Variants in OR2L13 observed in about 807,000 individuals in gnomAD.
The protein encoded by OR2L13 is olfactory receptor family 2 subfamily L member 13.
Under a neutral mutation model 15.3 loss-of-function variants are expected in OR2L13, and 14 were observed. The ratio of observed to expected loss-of-function variants is 0.91; its 90% confidence interval spans 0.60 to 1.43. OR2L13 has a LOEUF of 1.43. OR2L13 is among the 40% of genes most tolerant of loss of function. The pLI, the probability that OR2L13 is intolerant of heterozygous loss-of-function variation, is 0.00. For synonymous variants in OR2L13, 152 were observed against 142.9 expected (o/e 1.06, Z -0.45); for missense variants, 367 against 387.9 (o/e 0.95, Z 0.45).
chr1:248,095,854 C>T (rs1664726591), upstream of OR2L13, among the ~76,000 whole-genome samples: 1 of 150,940 alleles, frequency 6.6e-6, no homozygotes, highest in Non-Finnish European at 1.5e-5. Flanking sequence ...ATCCGCCCGC[C>T]TTGGCCTCCC....
chr1:248,001,960 G>T, the OR2L13 span, among the ~76,000 whole-genome samples: 1 of 151,994 alleles, frequency 6.6e-6, no homozygotes, highest in Non-Finnish European at 1.5e-5. Context: ...TGTAAATTGT[G>T]TTAACAATTT....
At chr1:248,072,209 G>A in the OR2L13 span, among the ~76,000 whole-genome samples, 93 of 152,154 alleles carry the variant, frequency 6.1e-4, 1 homozygote, top group African/African-American at 1.4e-3. Flanking sequence ...GAGGCATCAC[G>A]CTACCTGACT....
chr1:248,003,767 A>G, the OR2L13 span: 5 of 1,613,766 alleles, frequency 3.1e-6, no homozygotes, highest in Non-Finnish European at 1.7e-6. Context: ...CTTCATTGCT[A>G]TTTCATGTTC....
the OR2L13 span, among the ~76,000 whole-genome samples, chr1:248,034,806 G>A: frequency 6.6e-6 from 1 of 152,104 alleles, no homozygotes; most frequent in Non-Finnish European, 1.5e-5. Flanking sequence ...TGAAGCCTAG[G>A]TTCAGAACAG....
chr1:248,049,723 G>A, the OR2L13 span, among the ~76,000 whole-genome samples: 1 of 152,052 alleles, frequency 6.6e-6, no homozygotes. Context: ...CTTATGTGGA[G>A]TTTTTGTTTT....
chr1:247,971,486 G>GAT, the OR2L13 span, among the ~76,000 whole-genome samples: 1 of 152,170 alleles, frequency 6.6e-6, no homozygotes, highest in Non-Finnish European at 1.5e-5. Context: ...GACATAATTT[G>GAT]ATGATAGGGT....
chr1:248,009,778 G>A, the OR2L13 span, among the ~76,000 whole-genome samples: 4 of 152,200 alleles, frequency 2.6e-5, no homozygotes, highest in Non-Finnish European at 5.9e-5. Context: ...TAAAATACTG[G>A]CAAACCAAAT....
chr1:247,961,536 A>C, the OR2L13 span, among the ~76,000 whole-genome samples: 1 of 152,170 alleles, frequency 6.6e-6, no homozygotes, highest in Non-Finnish European at 1.5e-5. Flanking sequence ...GATTCAAGGA[A>C]GGCAAAGACT....
chr1:248,039,064 C>T, the OR2L13 span: 14 of 1,614,026 alleles, frequency 8.7e-6, no homozygotes, highest in East Asian at 2.9e-4. Context: ...TCCCTGCGAT[C>T]TCCAACAGAG....
the OR2L13 span, among the ~76,000 whole-genome samples, chr1:247,950,988 T>G: frequency 2.0e-5 from 3 of 152,174 alleles, no homozygotes; most frequent in African/African-American, 7.2e-5. Context: ...CCTGATTTGA[T>G]CATTACACAT....
chr1:248,008,510 T>G, the OR2L13 span, among the ~76,000 whole-genome samples: 3 of 152,138 alleles, frequency 2.0e-5, no homozygotes, highest in African/African-American at 7.2e-5. Context: ...GTGAGTGATC[T>G]CTCATGTTTC....
chr1:248,072,458 C>A, the OR2L13 span, among the ~76,000 whole-genome samples: 1 of 152,084 alleles, frequency 6.6e-6, no homozygotes, highest in African/African-American at 2.4e-5. Flanking sequence ...CTTCCTTACA[C>A]CTTATACAAA....
At chr1:247,950,275 A>G in the OR2L13 span, among the ~76,000 whole-genome samples, 1 of 152,128 alleles carries the variant, frequency 6.6e-6, no homozygotes, top group African/African-American at 2.4e-5. Context: ...CTTTCAATTT[A>G]GGGGGACTTA....
chr1:248,034,951 G>A, the OR2L13 span, among the ~76,000 whole-genome samples: 9 of 152,006 alleles, frequency 5.9e-5, no homozygotes, highest in African/African-American at 7.2e-5. Flanking sequence ...TTTTCTTTGC[G>A]TGGAGTCCTA....
At chr1:247,979,651 C>T in the OR2L13 span, among the ~76,000 whole-genome samples, 5 of 152,054 alleles carry the variant, frequency 3.3e-5, no homozygotes, top group South Asian at 6.2e-4. Flanking sequence ...GCTTGACCTC[C>T]GTGGGCTGCA....
At chr1:247,960,562 C>T in the OR2L13 span, among the ~76,000 whole-genome samples, 3 of 152,176 alleles carry the variant, frequency 2.0e-5, no homozygotes, top group Non-Finnish European at 2.9e-5. Context: ...GGCAGGCAGG[C>T]CTCCTTGAGC....
the OR2L13 span, among the ~76,000 whole-genome samples, chr1:248,025,958 G>C: frequency 7.0e-6 from 1 of 143,712 alleles, no homozygotes; most frequent in African/African-American, 2.8e-5. Context: ...GTGAGGTGGG[G>C]GGAGGGGGGA....
At chr1:248,095,606 G>GTTTTTTTTTTTTTTTTTTTTTTTTTTT (rs1476154907), upstream of OR2L13, among the ~76,000 whole-genome samples, 1 of 6,620 alleles carries the variant, frequency 1.5e-4, no homozygotes, top group Non-Finnish European at 4.9e-4. Flanking sequence ...TAAAGCTGCT[G>GTTTTTTTTTTTTTTTTTTTTTTTTTTT]CTTTTTTTTT....
chr1:248,093,224 G>A (rs924045820), upstream of OR2L13, among the ~76,000 whole-genome samples: 6 of 152,132 alleles, frequency 3.9e-5, no homozygotes, highest in African/African-American at 1.4e-4. Flanking sequence ...AGGAGGCATG[G>A]ATCACTACTT....
Sources: allele counts gnomAD v4.1 joint callset (sites outside exome capture counted in the v4.1 genomes callset), GRCh38; gene constraint gnomAD v4.1.1; transcripts MANE v1.5; gene names NCBI Gene and HGNC (gene_info 2026-07-23, HGNC 2026-07-21).